The following CHD1L variants were observed in gnomAD, a reference collection of about 807,000 sequenced individuals.
The protein encoded by CHD1L is ATP-dependent chromatin remodeler CHD1L.
In CHD1L, 118 loss-of-function variants were observed where a neutral mutation model predicts 115.9. That is an observed-to-expected ratio of 1.02 (90% CI 0.88 to 1.19). The LOEUF (loss-of-function observed/expected upper bound fraction) is 1.19. Ranked by LOEUF, CHD1L falls within the 50% of genes most tolerant of loss-of-function variation. The probability of loss-of-function intolerance (pLI) is 0.00; values close to 1 mark genes in which losing one functional copy is unlikely to be tolerated. For missense variants in CHD1L, 1,179 were observed against 1,065.3 expected, an observed-to-expected ratio of 1.11 and a Z score of -1.49; for synonymous variants, 411 against 387.1, an observed-to-expected ratio of 1.06 and a Z score of -0.72.
chr1:147,242,987 C>A, intron 1 of CHD1L, 157 bp downstream of exon 1: 1 of 958,922 alleles, frequency 1.0e-6, no homozygotes, highest in Non-Finnish European at 1.3e-6. Flanking sequence ...AGAAACTGCG[C>A]CCGGGCTTGG....
rs782461150 is a variant in CHD1L, at chr1:147,285,458, G to A, written c.1989G>A (p.Arg663=). ...GGAGACTCATAGAGGAGAAGAAGAG[G>A]CAAAAGGAAGAGGCTGAACATAAGA... ...KRRRLIEEKK[R]QKEEAEHKKK... is the part of the protein sequence containing the mutation. The change falls in exon 17 of 23, where the codon AGG becomes AGA. Residue 663 remains arginine (R), a synonymous_variant. Transcript: ENST00000369258. 14 of 1,612,712 alleles carry A rather than the reference G, an allele frequency of 8.7e-6. No homozygotes were observed. Among genetic ancestry groups the A allele is most frequent in the South Asian group, 2.2e-5 (2 of 90,842 alleles).
chr1:147,198,414 A>G, the CHD1L span, among the ~76,000 whole-genome samples: 1 of 152,180 alleles, frequency 6.6e-6, no homozygotes, highest in African/African-American at 2.4e-5. Flanking sequence ...TAGAAATAAA[A>G]AGTAAAAGGA....
In CHD1L at chr1:147,280,129, GC is replaced by G. The variant is rs1375919577; in HGVS notation, c.1645del (p.Gln549SerfsTer48). 1.9e-6 allele frequency: 3 copies of G among 1,613,630 alleles called. No individual in the cohort carries two copies. The highest frequency in any genetic ancestry group is 2.5e-6 in the Non-Finnish European group (3 of 1,179,832). ...TCCATCCTGGGAGAAACAAAAGATG[GC>G]CAGTGGGTCTCTGATGCCTTGCCTG... ...LESILGETKD[G>X]QWVSDALPAA... On this transcript the variant is annotated frameshift_variant, in exon 15 of 23. Transcript: ENST00000369258. LOFTEE classifies it high-confidence loss of function.
chr1:147,288,346 AG>A (rs1409095743), intron 19 of CHD1L, among the ~76,000 whole-genome samples: 61 of 3,624 alleles, frequency 0.017, no homozygotes, highest in Non-Finnish European at 0.054. Context: ...AAAAAAAAAA[AG>A]AAAAAGAGAA....
chr1:147,186,463 A>AC, the CHD1L span: 6 of 910,932 alleles, frequency 6.6e-6, no homozygotes, highest in Non-Finnish European at 7.7e-6. Flanking sequence ...TTATAATATG[A>AC]AAAAAAACTA....
the CHD1L span, among the ~76,000 whole-genome samples, chr1:147,190,520 AG>A: frequency 6.6e-6 from 1 of 152,214 alleles, no homozygotes; most frequent in East Asian, 1.9e-4. Flanking sequence ...GTAGTCTTTC[AG>A]TTGGGAAATG....
At chr1:147,244,934 T>G (rs587776293) in intron 1 of CHD1L, among the ~76,000 whole-genome samples, 69 of 152,362 alleles carry the variant, frequency 4.5e-4, no homozygotes, top group African/African-American at 1.5e-3. Context: ...TTCTCTATAC[T>G]CTCAGCAACA....
the CHD1L span, chr1:147,178,226 G>GC: frequency 6.2e-7 from 1 of 1,613,554 alleles, no homozygotes; most frequent in Non-Finnish European, 8.5e-7. Flanking sequence ...TTGGAGAGTC[G>GC]CATCTCCGAC....
chr1:147,230,894 T>A, the CHD1L span, among the ~76,000 whole-genome samples: 1 of 151,966 alleles, frequency 6.6e-6, no homozygotes, highest in Non-Finnish European at 1.5e-5. Flanking sequence ...TTGATTCTTC[T>A]CTTTTCTTCT....
At chr1:147,279,971 C>T (rs1559851722) in intron 14 of CHD1L, 55 bp from the exon 15 acceptor site, 2 of 1,586,798 alleles carry the variant, frequency 1.3e-6, no homozygotes, top group Non-Finnish European at 1.7e-6. Context: ...TCACTGATAT[C>T]CTAATGTTTC....
In CHD1L at chr1:147,286,379, G is replaced by A; in HGVS notation, c.2100G>A (p.Gly700=). ...EESEPEDLEN[G]EESSAELDYQ... is the part of the protein sequence containing the mutation. ...GCGAGCCAGAGGACCTTGAGAATGGGGAAGAGAGCTCTGCTGAGCTGGATT... is the reference window on the plus strand; with the variant it reads ...GCGAGCCAGAGGACCTTGAGAATGGAGAAGAGAGCTCTGCTGAGCTGGATT... The change falls in exon 18 of 23, where the codon GGG becomes GGA. Residue 700 remains glycine, a synonymous_variant. Transcript: ENST00000369258. 1 of 1,614,128 alleles carries A rather than the reference G, an allele frequency of 6.2e-7. No individual in the cohort carries two copies. Among genetic ancestry groups the A allele is most frequent in the Non-Finnish European group, 8.5e-7 (1 of 1,180,010 alleles).
chr1:147,247,662 A>G (rs1033048215), intron 1 of CHD1L, among the ~76,000 whole-genome samples: 4 of 152,226 alleles, frequency 2.6e-5, no homozygotes, highest in South Asian at 4.1e-4. Context: ...TAAATGGACT[A>G]AGACAGGCCC....
intron 1 of CHD1L, among the ~76,000 whole-genome samples, chr1:147,243,538 C>A (rs1023070522): frequency 6.6e-6 from 1 of 152,122 alleles, no homozygotes; most frequent in Non-Finnish European, 1.5e-5. Flanking sequence ...CCAGCCCTGC[C>A]GCTGCATGGC....
chr1:147,217,072 C>T, the CHD1L span, among the ~76,000 whole-genome samples: 1 of 151,040 alleles, frequency 6.6e-6, no homozygotes, highest in African/African-American at 2.4e-5. Context: ...GAAACCCTGT[C>T]TCTACTAAAA....
At chr1:147,228,000 T>C in the CHD1L span, among the ~76,000 whole-genome samples, 6 of 102,134 alleles carry the variant, frequency 5.9e-5, no homozygotes, top group Middle Eastern at 5.0e-3. Context: ...GCAAGCTCCA[T>C]GGAGGCCACT....
Position 147,276,192 on chromosome 1 carries a change from A to G in CHD1L, c.1474A>G (p.Met492Val). The G allele has an allele frequency of 1.2e-6, 2 of 1,614,184 alleles. No homozygotes were observed. The highest frequency in any genetic ancestry group is 1.7e-6 in the Non-Finnish European group (2 of 1,180,016). The stretch of plus-strand genomic sequence containing the variant: ...AGCCTCCAAACTGCAGCTCACCAAC[A>G]TGATCATAGAAGGAGGCCATTTTAC... ...KAASKLQLTNMIIEGGHFTLG... is the reference protein window; with the variant it reads ...KAASKLQLTNVIIEGGHFTLG... The change falls in exon 14 of 23, where the codon ATG becomes GTG. Residue 492 changes from methionine to valine, a missense_variant. By Grantham distance (21) the Met-to-Val change is conservative. Transcript: ENST00000369258.
chr1:147,267,324 A>C, intron 8 of CHD1L, 102 bp from the exon 9 acceptor site: 1 of 751,026 alleles, frequency 1.3e-6, no homozygotes, highest in Non-Finnish European at 2.2e-6. Context: ...CAAAGGATAT[A>C]ATTGAAATGA....
At chr1:147,272,897 T>G in intron 12 of CHD1L, among the ~76,000 whole-genome samples, 2 of 67,120 alleles carry the variant, frequency 3.0e-5, no homozygotes, top group African/African-American at 6.9e-5. Context: ...GTCATTGTGG[T>G]GTCTGGAAAA....
the CHD1L span, among the ~76,000 whole-genome samples, chr1:147,188,288 C>T: frequency 1.3e-5 from 2 of 151,712 alleles, no homozygotes; most frequent in African/African-American, 2.4e-5. Flanking sequence ...TTTGGGAGGC[C>T]GAGGCAGGCG....
Sources: allele counts gnomAD v4.1 joint callset (sites outside exome capture counted in the v4.1 genomes callset), GRCh38; gene constraint gnomAD v4.1.1; transcripts MANE v1.5; gene names NCBI Gene and HGNC (gene_info 2026-07-23, HGNC 2026-07-21).